Variants in ITPR2 observed in about 807,000 individuals in gnomAD.
The protein encoded by ITPR2 is inositol 1,4,5-trisphosphate receptor type 2, also known as inositol 1,4,5-trisphosphate-gated calcium channel ITPR2.
A neutral mutation model predicts 317.1 loss-of-function variants in ITPR2; 207 were observed. That is an observed-to-expected ratio of 0.65 (90% CI 0.58 to 0.73). The LOEUF (loss-of-function observed/expected upper bound fraction) is 0.73. Ranked by LOEUF, ITPR2 falls within the 30% of genes least tolerant of loss-of-function variation. The probability of loss-of-function intolerance (pLI) is 0.00; values close to 1 mark genes in which losing one functional copy is unlikely to be tolerated. For synonymous variants in ITPR2, 1,156 were observed against 1,149.1 expected (o/e 1.01, Z -0.12); for missense variants, 2,613 against 3,284.0 (o/e 0.80, Z 4.99).
At chr12:26,357,188 A>T (rs569042151) in intron 55 of ITPR2, among the ~76,000 whole-genome samples, 1 of 152,088 alleles carries the variant, frequency 6.6e-6, no homozygotes, top group Non-Finnish European at 1.5e-5. Context: ...TGGTTACCAG[A>T]GAGACCAAGC....
rs772647906 is a variant in ITPR2, at chr12:26,596,974, C to T, written c.4163G>A (p.Gly1388Glu). Reference protein sequence around the residue: ...LVELLAACTEGKNVYTEIKCN... With the variant: ...LVELLAACTEEKNVYTEIKCN... ...CTTGATTTCAGTGTAGACATTTTTC[C>T]CCTCTGTGCATGCTGCCAGCAACTC... The change falls in exon 31 of 57, where the codon GGG (glycine) becomes GAG (glutamate). Residue 1388 changes from glycine to glutamate, a missense_variant. Physicochemically the swap from Gly to Glu is moderately conservative, Grantham distance 98. This residue lies in a region of ITPR2 where 3 missense variants were observed against 16.3 expected (regional missense o/e 0.18). Transcript: ENST00000381340. 6.2e-7 allele frequency: 1 copy of T among 1,612,038 alleles called. No homozygotes were observed. Among genetic ancestry groups the T allele is most frequent in the South Asian group, 1.1e-5 (1 of 90,670 alleles).
rs1286442464 is a variant in ITPR2 at position 26,340,291 on chromosome 12, A to G, written c.7895T>C (p.Met2632Thr). The G allele has an allele frequency of 1.9e-6, 3 of 1,608,714 alleles. No individual in the cohort carries two copies. Among genetic ancestry groups the G allele is most frequent in the Non-Finnish European group, 2.5e-6 (3 of 1,177,744 alleles). ...NLDWFPRMRA[M>T]SLVSNEGDSE... ...GTCGCCTTCATTGCTAACGAGGGACATGGCTCGCATCCGAGGAAACCAATC... is the reference window on the plus strand; with the variant it reads ...GTCGCCTTCATTGCTAACGAGGGACGTGGCTCGCATCCGAGGAAACCAATC... Residue 2632 changes from methionine (M) to threonine (T), a missense_variant, in exon 56 of 57, where the codon ATG becomes ACG. By Grantham distance (81) the Met-to-Thr change is moderately conservative (BLOSUM62 -1). Transcript: ENST00000381340.
At chr12:26,473,888 A>C (rs1942351780) in intron 45 of ITPR2, among the ~76,000 whole-genome samples, 1 of 152,194 alleles carries the variant, frequency 6.6e-6, no homozygotes, top group Admixed American at 6.5e-5. Flanking sequence ...TCAGTTGCTC[A>C]GCAGCTAAAA....
intron 2 of ITPR2, among the ~76,000 whole-genome samples, chr12:26,769,140 G>A (rs12582043): frequency 0.37 from 55,512 of 151,998 alleles, 12,667 homozygotes; most frequent in Non-Finnish European, 0.53. Flanking sequence ...GGTTCCAGCT[G>A]AAGGGCAAGC....
chr12:26,366,319 C>G (rs1939008247), intron 55 of ITPR2, among the ~76,000 whole-genome samples: 1 of 152,070 alleles, frequency 6.6e-6, no homozygotes, highest in Admixed American at 6.6e-5. Context: ...TTTTACAAAA[C>G]CTTTGCCAAC....
intron 31 of ITPR2, among the ~76,000 whole-genome samples, chr12:26,596,638 C>T (rs1367984974): frequency 7.6e-6 from 1 of 131,192 alleles, no homozygotes; most frequent in Non-Finnish European, 1.6e-5. Flanking sequence ...CAGAGCAAAA[C>T]TCTGTCTCAA....
At chr12:26,419,395 TCTCA>T in intron 49 of ITPR2, 182 bp from the exon 50 acceptor site, 1 of 571,164 alleles carries the variant, frequency 1.8e-6, no homozygotes, top group Non-Finnish European at 2.9e-6. Context: ...TTTCATAATT[TCTCA>T]TTTTGTAGGT....
intron 9 of ITPR2, among the ~76,000 whole-genome samples, chr12:26,706,858 A>T (rs537518224): frequency 6.6e-6 from 1 of 151,954 alleles, no homozygotes; most frequent in South Asian, 2.1e-4. Context: ...CTTTCACAAC[A>T]CCTTCCTTGG....
intron 33 of ITPR2, 35 bp from the exon 34 acceptor site, chr12:26,578,868 C>A: frequency 1.3e-6 from 2 of 1,578,870 alleles, no homozygotes; most frequent in East Asian, 2.3e-5. Flanking sequence ...AAAAGAGATG[C>A]TAAACCATTA....
At chr12:26,620,325 T>G (rs1431261675) in intron 26 of ITPR2, among the ~76,000 whole-genome samples, 7 of 152,242 alleles carry the variant, frequency 4.6e-5, no homozygotes, top group Non-Finnish European at 8.8e-5. Flanking sequence ...ATTAATTATC[T>G]CTTGCTCTGT....
intron 48 of ITPR2, among the ~76,000 whole-genome samples, chr12:26,431,413 G>A (rs2013391): frequency 0.94 from 143,802 of 152,244 alleles, 67,933 homozygotes; most frequent in East Asian, 1. Flanking sequence ...TGCTTCAGCC[G>A]CAACCAGTGT....
chr12:26,707,096 C>T (rs893785984), intron 9 of ITPR2, among the ~76,000 whole-genome samples: 1 of 152,124 alleles, frequency 6.6e-6, no homozygotes, highest in East Asian at 1.9e-4. Context: ...ATTAGCCCTC[C>T]CTGATTGTGC....
intron 55 of ITPR2, among the ~76,000 whole-genome samples, chr12:26,386,006 T>C (rs1555116486): frequency 1.3e-5 from 2 of 152,162 alleles, no homozygotes; most frequent in South Asian, 2.1e-4. Flanking sequence ...TACCCAAACA[T>C]CTATTCATCC....
intron 52 of ITPR2, among the ~76,000 whole-genome samples, chr12:26,407,641 G>A (rs1940396039): frequency 6.6e-6 from 1 of 152,146 alleles, no homozygotes. Context: ...TCAAATTTTG[G>A]TTAGGGAAGA....
chr12:26,427,636 A>G (rs901144707), intron 49 of ITPR2, among the ~76,000 whole-genome samples: 1 of 152,162 alleles, frequency 6.6e-6, no homozygotes, highest in African/African-American at 2.4e-5. Flanking sequence ...TGGGTATAGG[A>G]TGCAGAATGC....
chr12:26,801,204 G>A (rs1437187109), intron 1 of ITPR2: 1 of 157,006 alleles, frequency 6.4e-6, no homozygotes, highest in Non-Finnish European at 1.4e-5. Context: ...CATGGACGTG[G>A]ACATTGCATC....
chr12:26,779,920 C>T lies in ITPR2; in HGVS notation c.163+10237G>A, dbSNP rs535014419. 5.9e-4 allele frequency among the ~76,000 whole-genome samples: 90 copies of T among 152,348 alleles called. 1 individual carries two copies. In the South Asian group the frequency reaches 0.018, roughly 31 times the overall value. On this transcript the variant is annotated intron_variant, in intron 2 of 56. Transcript: ENST00000381340. ...TTGGGGAAGAGGTATGTAGACGGGC[C>T]TCTCTGAGTGGTCAAAAACTGTGAA...
intron 37 of ITPR2, among the ~76,000 whole-genome samples, chr12:26,546,018 C>T (rs950204151): frequency 6.6e-6 from 1 of 152,158 alleles, no homozygotes; most frequent in South Asian, 2.1e-4. Context: ...TGTCTAAGAG[C>T]TAGAATTGCT....
rs1221860683 is a variant in ITPR2 at position 26,628,116 on chromosome 12, G to A, written c.2981C>T (p.Ser994Leu). Residue 994 changes from serine (S) to leucine (L), a missense_variant, in exon 23 of 57, where the codon TCA becomes TTA. Ser to Leu is a moderately radical substitution (Grantham distance 145, BLOSUM62 -2). Transcript: ENST00000381340. ...CTCTCCAAACTCCTTCTTATATATT[G>A]ACAGCATATATGAGATCCTATAATC... ...RLDYRISYML[S>L]IYKKEFGEDN... is the part of the protein sequence containing the mutation. The A allele has an allele frequency of 1.2e-6, 2 of 1,604,904 alleles. No homozygotes were observed. The highest frequency in any genetic ancestry group is 1.7e-6 in the Non-Finnish European group (2 of 1,171,890).
Sources: allele counts gnomAD v4.1 joint callset (sites outside exome capture counted in the v4.1 genomes callset), GRCh38; gene constraint gnomAD v4.1.1; regional missense constraint gnomAD v4.1.1; transcripts MANE v1.5; gene names NCBI Gene and HGNC (gene_info 2026-07-23, HGNC 2026-07-21).